Variants in CERT1 observed in about 807,000 individuals in gnomAD.
CERT1 encodes ceramide transfer protein.
Under a neutral mutation model 87.9 loss-of-function variants are expected in CERT1, and 31 were observed. That is an observed-to-expected ratio of 0.35 (90% CI 0.27 to 0.48). The LOEUF (loss-of-function observed/expected upper bound fraction) is 0.48, where lower values mean the gene tolerates loss of function less well. Ranked by LOEUF, CERT1 falls within the 20% of genes least tolerant of loss-of-function variation. The probability of loss-of-function intolerance (pLI) is 0.99; values close to 1 mark genes in which losing one functional copy is unlikely to be tolerated. For synonymous variants in CERT1, 289 were observed against 250.9 expected, an observed-to-expected ratio of 1.15 and a Z score of -1.44; for missense variants, 487 against 758.0, an observed-to-expected ratio of 0.64 and a Z score of 4.20.
downstream of CERT1, chr5:75,376,839 A>G (rs1761336827): frequency 6.6e-6 from 1 of 152,228 alleles, no homozygotes; most frequent in Non-Finnish European, 1.5e-5. Flanking sequence ...TTAGTATCGG[A>G]CAATAAATTT....
intron 7 of CERT1, among the ~76,000 whole-genome samples, chr5:75,413,247 A>G (rs1763002675): frequency 6.6e-6 from 1 of 152,244 alleles, no homozygotes; most frequent in African/African-American, 2.4e-5. Flanking sequence ...TATGTGGTCC[A>G]TCACTGACGG....
chr5:75,487,444 T>C (rs1390025444), intron 2 of CERT1, among the ~76,000 whole-genome samples: 2 of 152,020 alleles, frequency 1.3e-5, no homozygotes, highest in Non-Finnish European at 2.9e-5. Context: ...AAATACCACG[T>C]ATGCACAGGC....
At chr5:75,443,927 A>C (rs910551237) in intron 3 of CERT1, among the ~76,000 whole-genome samples, 1 of 152,120 alleles carries the variant, frequency 6.6e-6, no homozygotes, top group African/African-American at 2.4e-5. Flanking sequence ...TCTAACTTAA[A>C]GTCTATTTTC....
At chr5:75,490,962 GTTC>G (rs1383144972) in intron 2 of CERT1, among the ~76,000 whole-genome samples, 1 of 151,904 alleles carries the variant, frequency 6.6e-6, no homozygotes, top group African/African-American at 2.4e-5. Flanking sequence ...ACTCAAGGTG[GTTC>G]TTCTTATCTT....
chr5:75,406,006 T>C (rs73118895), intron 8 of CERT1, among the ~76,000 whole-genome samples: 1,804 of 152,236 alleles, frequency 0.012, 36 homozygotes, highest in African/African-American at 0.042. Context: ...CTCATCTATA[T>C]TATACAAAAA....
At chr5:75,499,308 C>T (rs1767231447) in intron 2 of CERT1, among the ~76,000 whole-genome samples, 4 of 152,090 alleles carry the variant, frequency 2.6e-5, no homozygotes, top group Admixed American at 1.3e-4. Context: ...TGGGAGGGGC[C>T]AGGGGCAGAA....
intron 2 of CERT1, among the ~76,000 whole-genome samples, chr5:75,472,308 T>C (rs974384437): frequency 8.5e-5 from 13 of 152,194 alleles, no homozygotes; most frequent in African/African-American, 2.9e-4. Context: ...ATATAAGACC[T>C]AAAACTATGA....
At chr5:75,467,641 C>CAAAAAAA (rs1458470572) in intron 2 of CERT1, among the ~76,000 whole-genome samples, 2 of 49,978 alleles carry the variant, frequency 4.0e-5, no homozygotes, top group African/African-American at 1.3e-4. Context: ...ACTCTGTCTC[C>CAAAAAAA]AAAAAAAAGA....
At position 75,463,780 on chromosome 5, in the gene CERT1, G is replaced by A. The variant is rs534921012; in HGVS notation, c.232-4599C>T. 7.2e-5 allele frequency among the ~76,000 whole-genome samples: 11 copies of A among 152,210 alleles called. No homozygotes were observed. The South Asian group carries it at 1.9e-3, about 26-fold the overall frequency. ...AGGTCAGTCTCAAATCTATCTCCCC[G>A]ATTAACTAAAATCAGGGGTCTATAG... On this transcript the variant is annotated intron_variant, in intron 2 of 16. Coordinates refer to ENST00000643780, the MANE Select transcript of CERT1 (RefSeq NM_001379029.1).
intron 2 of CERT1, among the ~76,000 whole-genome samples, chr5:75,473,590 G>C (rs899047510): frequency 1.3e-5 from 2 of 152,170 alleles, no homozygotes; most frequent in African/African-American, 2.4e-5. Flanking sequence ...GGTGAGGAGG[G>C]TTAGGGAGAT....
chr5:75,497,016 A>T (rs1767100025), intron 2 of CERT1, among the ~76,000 whole-genome samples: 1 of 152,208 alleles, frequency 6.6e-6, no homozygotes, highest in African/African-American at 2.4e-5. Flanking sequence ...AAAACCAAAA[A>T]AAGGTAGGAA....
chr5:75,416,910 T>A lies in CERT1; in HGVS notation c.803A>T (p.Lys268Ile). 6.2e-7 allele frequency: 1 copy of A among 1,612,558 alleles called. No individual in the cohort carries two copies. The highest frequency in any genetic ancestry group is 8.5e-7 in the Non-Finnish European group (1 of 1,179,402). ...TCTCTTCTGCCAGCTGTCCTCACGTTTAACCATTAGTTCAATACAATGAGA... is the reference window on the plus strand; with the variant it reads ...TCTCTTCTGCCAGCTGTCCTCACGTATAACCATTAGTTCAATACAATGAGA... ...TLSHCIELMV[K>I]REDSWQKRLD... Residue 268 changes from lysine to isoleucine, a missense_variant, in exon 7 of 17, where the codon AAA becomes ATA. Physicochemically the swap from Lys to Ile is moderately radical, Grantham distance 102 (BLOSUM62 -3). Around this residue, in one of 8 missense-constraint regions of CERT1, gnomAD observed 13 missense variants for 29.2 expected, o/e 0.45. Coordinates refer to ENST00000643780, the MANE Select transcript of CERT1 (RefSeq NM_001379029.1).
intron 2 of CERT1, among the ~76,000 whole-genome samples, chr5:75,487,767 T>C (rs1186773722): frequency 6.6e-6 from 1 of 152,088 alleles, no homozygotes; most frequent in Middle Eastern, 3.4e-3. Flanking sequence ...AAAACCACAA[T>C]GAGATATTAT....
chr5:75,412,532 G>A (rs1450338123), intron 7 of CERT1, among the ~76,000 whole-genome samples: 3 of 152,202 alleles, frequency 2.0e-5, no homozygotes, highest in African/African-American at 4.8e-5. Context: ...TCTGAGAAAT[G>A]TGTCACTGAC....
At chr5:75,451,523 T>C (rs1764768651) in intron 3 of CERT1, among the ~76,000 whole-genome samples, 2 of 152,218 alleles carry the variant, frequency 1.3e-5, no homozygotes, top group African/African-American at 2.4e-5. Flanking sequence ...AAATTACTTA[T>C]ATGAAGTAAA....
intron 3 of CERT1, among the ~76,000 whole-genome samples, chr5:75,443,519 G>C (rs1229591673): frequency 2.6e-5 from 4 of 152,160 alleles, no homozygotes; most frequent in Admixed American, 2.6e-4. Context: ...AAGTCACCCA[G>C]CTGTGGTCAG....
intron 3 of CERT1, among the ~76,000 whole-genome samples, chr5:75,429,152 T>C (rs1312001784): frequency 6.7e-6 from 1 of 148,990 alleles, no homozygotes; most frequent in Non-Finnish European, 1.5e-5. Context: ...ATCTGGGATT[T>C]TGAAAACCTC....
At chr5:75,417,843 A>C (rs73118899) in intron 6 of CERT1, among the ~76,000 whole-genome samples, 2 of 152,218 alleles carry the variant, frequency 1.3e-5, no homozygotes, top group African/African-American at 4.8e-5. Context: ...GAATATATGA[A>C]GTAACCTCAA....
chr5:75,378,786 C>T lies in CERT1; in HGVS notation c.*560G>A, dbSNP rs1761431146. Reference sequence around the variant, plus strand: ...AAGGAAAGAATACAGGAAGTTTGCACTTCTACAATTCTACAGTTCTATAAT... The same window carrying T: ...AAGGAAAGAATACAGGAAGTTTGCATTTCTACAATTCTACAGTTCTATAAT... On this transcript the variant is annotated 3_prime_UTR_variant, in exon 17 of 17. Coordinates refer to ENST00000643780, the MANE Select transcript of CERT1 (RefSeq NM_001379029.1). 6.6e-6 allele frequency: 1 copy of T among 152,174 alleles called. No homozygotes were observed. Among genetic ancestry groups the T allele is most frequent in the Admixed American group, 6.5e-5 (1 of 15,284 alleles). The allele number at this position is 152,174 out of a possible 1,614,324, so 9.4% of individuals were successfully genotyped here.
Sources: allele counts gnomAD v4.1 joint callset (sites outside exome capture counted in the v4.1 genomes callset), GRCh38; gene constraint gnomAD v4.1.1; regional missense constraint gnomAD v4.1.1; transcripts MANE v1.5; gene names NCBI Gene and HGNC (gene_info 2026-07-23, HGNC 2026-07-21).